LRRFIP1: variants seen among roughly 807,000 people sequenced by gnomAD.
The protein encoded by LRRFIP1 is LRR binding FLII interacting protein 1, also known as leucine-rich repeat flightless-interacting protein 1.
Under a neutral mutation model 104.4 loss-of-function variants are expected in LRRFIP1, and 62 were observed. The ratio of observed to expected loss-of-function variants is 0.59; its 90% CI spans 0.48 to 0.73. The LOEUF is 0.73. Ranked by LOEUF, LRRFIP1 falls within the 30% of genes least tolerant of loss-of-function variation. LRRFIP1 has a pLI of 0.00. For missense variants in LRRFIP1, 796 were observed against 824.5 expected, an observed-to-expected ratio of 0.97 and a Z score of 0.42; for synonymous variants, 300 against 299.0, an observed-to-expected ratio of 1.00 and a Z score of -0.03.
chr2:237,688,776 C>T (rs145329034), intron 1 of LRRFIP1, among the ~76,000 whole-genome samples: 24 of 152,124 alleles, frequency 1.6e-4, no homozygotes, highest in African/African-American at 4.6e-4. Context: ...CACCCTCTTC[C>T]GAGGAAACCC....
In LRRFIP1 at chr2:237,723,420, T is replaced by C. The variant is rs2094604957; in HGVS notation, c.346-128T>C. The C allele has an allele frequency of 9.0e-6, 8 of 891,364 alleles. No individual in the cohort carries two copies. In the South Asian group the frequency reaches 1.2e-4, roughly 13 times the overall value. 55.2% of individuals were successfully genotyped at this position (891,364 alleles called of 1,614,324 possible). On this transcript the variant is annotated intron_variant, in intron 6 of 23. Transcript: ENST00000308482. ...TAAATACATATTAGATCCTAGAAAT[T>C]ATGGAAAAATGCATTTTTGTTAAGA...
rs774741287 is a variant in LRRFIP1 at position 237,757,551 on chromosome 2, A to G, written c.1224+3A>G. ...AGTGGAAAGACAAAAAGATAGGGGTAGGATTCCCAAGTCTTGAAAATCTAC... is the reference window on the plus strand; with the variant it reads ...AGTGGAAAGACAAAAAGATAGGGGTGGGATTCCCAAGTCTTGAAAATCTAC... On this transcript the variant is annotated splice_donor_region_variant and intron_variant, in intron 17 of 23. Coordinates refer to ENST00000308482, the MANE Select transcript of LRRFIP1 (RefSeq NM_001137550.2). The G allele has an allele frequency of 3.8e-6, 6 of 1,559,634 alleles. 1 individual carries two copies. The South Asian group carries it at 7.1e-5, about 18-fold the overall frequency.
intron 8 of LRRFIP1, among the ~76,000 whole-genome samples, chr2:237,728,580 G>T (rs1377803306): frequency 2.0e-5 from 3 of 152,094 alleles, no homozygotes; most frequent in Non-Finnish European, 4.4e-5. Context: ...GGTCATTGGG[G>T]ATTTTAGAAG....
intron 1 of LRRFIP1, among the ~76,000 whole-genome samples, chr2:237,645,151 T>C (rs1222199901): frequency 6.6e-6 from 1 of 152,228 alleles, no homozygotes; most frequent in Non-Finnish European, 1.5e-5. Context: ...GTTAGAACCA[T>C]CACCATCATT....
rs556185375 is a variant in LRRFIP1, at chr2:237,636,357, T to C, written c.96+8617T>C. Among the ~76,000 whole-genome samples the C allele has an allele frequency of 5.5e-3, 823 of 149,156 alleles. 4 individuals are homozygous for C. Among genetic ancestry groups the C allele is most frequent in the Non-Finnish European group, 8.5e-3 (570 of 67,348 alleles). On this transcript the variant is annotated intron_variant, in intron 1 of 23. Transcript: ENST00000308482. ...TTTTCATTTTCCTTTCTTTTCTTTT[T>C]TTTTTTTTTTTGTCTTTTGGTAATA...
chr2:237,689,423 G>A (rs940537843), intron 1 of LRRFIP1, among the ~76,000 whole-genome samples: 1 of 152,212 alleles, frequency 6.6e-6, no homozygotes, highest in Non-Finnish European at 1.5e-5. Flanking sequence ...AGGGTGTCAG[G>A]ATGGCAGTTT....
intron 7 of LRRFIP1, among the ~76,000 whole-genome samples, chr2:237,726,362 T>C (rs1266945032): frequency 6.6e-6 from 1 of 152,192 alleles, no homozygotes; most frequent in Non-Finnish European, 1.5e-5. Flanking sequence ...AATTTTTTTT[T>C]CTACTTTAAT....
chr2:237,740,977 G>C lies in LRRFIP1; in HGVS notation c.633+1668G>C, dbSNP rs377632115. 3.5e-4 allele frequency among the ~76,000 whole-genome samples: 53 copies of C among 152,328 alleles called. No homozygotes were observed. The South Asian group carries it at 0.011, about 30-fold the overall frequency. ...AACGCCAGCGCCTCTTTCTCTGGGG[G>C]AAGACTCTCCCCTCTGTATAAGTTG... On this transcript the variant is annotated intron_variant, in intron 11 of 23. Transcript: ENST00000308482.
chr2:237,770,114 G>C (rs1220694941), intron 20 of LRRFIP1, 122 bp downstream of exon 20: 1 of 731,752 alleles, frequency 1.4e-6, no homozygotes, highest in Non-Finnish European at 2.4e-6. Flanking sequence ...TCTTTATCAA[G>C]CCAACTGGTG....
intron 11 of LRRFIP1, among the ~76,000 whole-genome samples, chr2:237,743,715 A>G (rs929460544): frequency 5.3e-5 from 8 of 152,172 alleles, no homozygotes; most frequent in Non-Finnish European, 1.2e-4. Context: ...GGGCAGACGG[A>G]TGCTTGTTGG....
intron 1 of LRRFIP1, among the ~76,000 whole-genome samples, chr2:237,690,972 C>T (rs2092717034): frequency 6.6e-6 from 1 of 151,758 alleles, no homozygotes; most frequent in East Asian, 1.9e-4. Flanking sequence ...CTCCCCTATC[C>T]CTCCCAAGTC....
intron 21 of LRRFIP1, chr2:237,772,558 T>A (rs2060739183): frequency 2.0e-6 from 1 of 490,598 alleles, no homozygotes; most frequent in Non-Finnish European, 3.6e-6. Flanking sequence ...TTAAGGGAGA[T>A]AAAATTATGC....
intron 1 of LRRFIP1, among the ~76,000 whole-genome samples, chr2:237,695,126 C>T (rs2093082130): frequency 6.6e-6 from 1 of 152,176 alleles, no homozygotes; most frequent in South Asian, 2.1e-4. Context: ...TTAGGCATGT[C>T]ATTTCCCCGG....
chr2:237,684,813 G>C (rs1209135751), intron 1 of LRRFIP1, among the ~76,000 whole-genome samples: 2 of 151,950 alleles, frequency 1.3e-5, no homozygotes, highest in Non-Finnish European at 2.9e-5. Flanking sequence ...TGGGCCTGGT[G>C]CGGTGGCTCA....
chr2:237,639,923 T>C (rs767443941), intron 1 of LRRFIP1, among the ~76,000 whole-genome samples: 2 of 152,136 alleles, frequency 1.3e-5, no homozygotes, highest in African/African-American at 2.4e-5. Context: ...CCAAACATGC[T>C]TCCAGACATT....
chr2:237,659,508 C>T (rs1315951014), intron 1 of LRRFIP1, among the ~76,000 whole-genome samples: 1 of 151,098 alleles, frequency 6.6e-6, no homozygotes, highest in Non-Finnish European at 1.5e-5. Flanking sequence ...AAGTCAAAAG[C>T]TGGCAAATGG....
At chr2:237,733,704 G>A in intron 8 of LRRFIP1, 70 bp from the exon 9 acceptor site, 1 of 1,438,342 alleles carries the variant, frequency 7.0e-7, no homozygotes, top group South Asian at 1.1e-5. Context: ...CTATCGTGAT[G>A]GCCTTTTGCT....
intron 17 of LRRFIP1, among the ~76,000 whole-genome samples, chr2:237,758,223 A>AGTGTGTGTGTGTGTGTGT (rs138141222): frequency 2.0e-5 from 3 of 149,726 alleles, no homozygotes; most frequent in South Asian, 4.3e-4. Context: ...AGCACTTAGG[A>AGTGTGTGTGTGTGTGTGT]GTGTGTGTGT....
chr2:237,653,638 A>G (rs2086298591), intron 1 of LRRFIP1, among the ~76,000 whole-genome samples: 1 of 152,268 alleles, frequency 6.6e-6, no homozygotes, highest in Non-Finnish European at 1.5e-5. Context: ...TCAAAACAGC[A>G]TGGTACTGGC....
Sources: gnomAD v4.1 joint callset for allele counts (sites outside exome capture counted in the v4.1 genomes callset) on GRCh38, gnomAD v4.1.1 for gene constraint, MANE v1.5 for transcripts, NCBI Gene and HGNC (gene_info 2026-07-23, HGNC 2026-07-21) for gene names.